EXOC6B: variants seen among roughly 807,000 people sequenced by gnomAD.
The protein encoded by EXOC6B is SEC15 homolog B.
Under a neutral mutation model 113.5 loss-of-function variants are expected in EXOC6B, and 54 were observed. That is an observed-to-expected ratio of 0.48 (90% confidence interval 0.38 to 0.60). EXOC6B has a LOEUF of 0.60. EXOC6B is among the 20% of genes least tolerant of loss of function. EXOC6B has a pLI of 0.00. For missense variants in EXOC6B, 797 were observed against 977.5 expected (o/e 0.82, Z 2.46); for synonymous variants, 357 against 339.0 (o/e 1.05, Z -0.58).
At chr2:72,248,077 C>A (rs1444755950) in intron 20 of EXOC6B, among the ~76,000 whole-genome samples, 1 of 152,148 alleles carries the variant, frequency 6.6e-6, no homozygotes, top group South Asian at 2.1e-4. Context: ...TGTTCTCTAA[C>A]CTCTTAGAAA....
At chr2:72,652,869 C>T (rs964452834) in intron 6 of EXOC6B, among the ~76,000 whole-genome samples, 7 of 150,494 alleles carry the variant, frequency 4.7e-5, no homozygotes, top group Non-Finnish European at 1.0e-4. Context: ...ATTAGGACCA[C>T]GCATGGTGGC....
At chr2:72,286,016 C>T (rs543633863) in intron 20 of EXOC6B, among the ~76,000 whole-genome samples, 1 of 152,294 alleles carries the variant, frequency 6.6e-6, no homozygotes, top group African/African-American at 2.4e-5. Context: ...TGTAGAACAA[C>T]AGGAGCTCTC....
intron 19 of EXOC6B, among the ~76,000 whole-genome samples, chr2:72,344,046 G>A (rs530248556): frequency 7.8e-4 from 119 of 152,074 alleles, no homozygotes; most frequent in Admixed American, 1.3e-3. Context: ...TCTCCTCCTC[G>A]GGGACTTCCA....
At chr2:72,432,000 A>G (rs1695562836) in intron 18 of EXOC6B, among the ~76,000 whole-genome samples, 2 of 151,908 alleles carry the variant, frequency 1.3e-5, no homozygotes. Flanking sequence ...GCTGCATAGT[A>G]TTACATGGTG....
At chr2:72,486,942 C>T (rs1446266717) in intron 16 of EXOC6B, among the ~76,000 whole-genome samples, 2 of 151,810 alleles carry the variant, frequency 1.3e-5, no homozygotes, top group African/African-American at 4.8e-5. Context: ...CCTTTGGTAA[C>T]AAAATTTCCT....
chr2:72,219,623 A>G (rs949426683), intron 20 of EXOC6B, among the ~76,000 whole-genome samples: 1 of 151,948 alleles, frequency 6.6e-6, no homozygotes. Context: ...GTCAAACAGG[A>G]AGAGGAAGGA....
intron 6 of EXOC6B, among the ~76,000 whole-genome samples, chr2:72,712,552 G>A (rs1679344705): frequency 6.6e-6 from 1 of 152,154 alleles, no homozygotes; most frequent in African/African-American, 2.4e-5. Context: ...CTGTCAGGTG[G>A]GGATCATTTA....
intron 20 of EXOC6B, among the ~76,000 whole-genome samples, chr2:72,223,808 A>G (rs1169272503): frequency 6.6e-6 from 1 of 152,168 alleles, no homozygotes; most frequent in Non-Finnish European, 1.5e-5. Context: ...GTAGAGAGTA[A>G]TTGTGGAGCC....
chr2:72,308,350 T>A (rs1687009822), intron 20 of EXOC6B, among the ~76,000 whole-genome samples: 1 of 152,168 alleles, frequency 6.6e-6, no homozygotes, highest in Non-Finnish European at 1.5e-5. Context: ...AAATCAATTA[T>A]TGTGTACTGT....
chr2:72,548,780 A>C (rs1347795909), intron 8 of EXOC6B, among the ~76,000 whole-genome samples: 1 of 152,224 alleles, frequency 6.6e-6, no homozygotes, highest in East Asian at 1.9e-4. Flanking sequence ...GAGGAAAAAC[A>C]ACATATTTAG....
intron 20 of EXOC6B, among the ~76,000 whole-genome samples, chr2:72,308,332 A>C (rs960803833): frequency 1.3e-5 from 2 of 152,178 alleles, no homozygotes; most frequent in Non-Finnish European, 2.9e-5. Flanking sequence ...TGACATTATT[A>C]ATTTTCAAAA....
At chr2:72,791,632 T>G (rs921894414) in intron 1 of EXOC6B, among the ~76,000 whole-genome samples, 14 of 152,202 alleles carry the variant, frequency 9.2e-5, no homozygotes, top group African/African-American at 3.1e-4. Context: ...AAGGGCCACA[T>G]AAATGCTTAT....
chr2:72,286,052 T>C (rs1685400291), intron 20 of EXOC6B, among the ~76,000 whole-genome samples: 1 of 152,132 alleles, frequency 6.6e-6, no homozygotes, highest in Non-Finnish European at 1.5e-5. Flanking sequence ...AAATGCAAAA[T>C]GGTATAGTCA....
At chr2:72,541,051 C>T (rs1339610273) in intron 8 of EXOC6B, among the ~76,000 whole-genome samples, 1 of 152,124 alleles carries the variant, frequency 6.6e-6, no homozygotes, top group Non-Finnish European at 1.5e-5. Context: ...TTCCAGAATT[C>T]CCACCTTTTG....
chr2:72,368,112 A>T (rs930774371), intron 19 of EXOC6B, among the ~76,000 whole-genome samples: 1 of 152,178 alleles, frequency 6.6e-6, no homozygotes, highest in Non-Finnish European at 1.5e-5. Context: ...AATCCCAGGC[A>T]GTGCAGCTCA....
chr2:72,584,952 T>C (rs2103889088), intron 6 of EXOC6B, among the ~76,000 whole-genome samples: 1 of 152,250 alleles, frequency 6.6e-6, no homozygotes, highest in Non-Finnish European at 1.5e-5. Context: ...AAATATTCTT[T>C]GAAATAAATG....
intron 1 of EXOC6B, among the ~76,000 whole-genome samples, chr2:72,755,533 A>G (rs1054445348): frequency 6.6e-6 from 1 of 152,212 alleles, no homozygotes; most frequent in Non-Finnish European, 1.5e-5. Flanking sequence ...GAAGCACTAG[A>G]GTTCAATAAT....
At chr2:72,322,231 C>G (rs1206795693) in intron 20 of EXOC6B, among the ~76,000 whole-genome samples, 1 of 152,096 alleles carries the variant, frequency 6.6e-6, no homozygotes, top group Non-Finnish European at 1.5e-5. Context: ...AAAACTATAA[C>G]TCATCAATAA....
At chr2:72,486,484 C>T (rs1427188029) in intron 16 of EXOC6B, among the ~76,000 whole-genome samples, 1 of 152,094 alleles carries the variant, frequency 6.6e-6, no homozygotes, top group Non-Finnish European at 1.5e-5. Context: ...TTATCTGGCA[C>T]AAATCAATTT....
Sources: gnomAD v4.1 joint callset for allele counts (sites outside exome capture counted in the v4.1 genomes callset) on GRCh38, gnomAD v4.1.1 for gene constraint, MANE v1.5 for transcripts, NCBI Gene and HGNC (gene_info 2026-07-23, HGNC 2026-07-21) for gene names.